ABLIM3: variants seen among roughly 807,000 people sequenced by gnomAD.
ABLIM3 encodes the protein actin binding LIM protein family member 3, also known as actin-binding LIM protein 3.
ABLIM3 carries 61 observed loss-of-function variants against 109.5 expected under a neutral mutation model. The observed-to-expected ratio is 0.56, with a 90% CI of 0.45 to 0.69. The LOEUF (loss-of-function observed/expected upper bound fraction) is 0.69, where lower values mean the gene tolerates loss of function less well. ABLIM3 is among the 30% of genes least tolerant of loss of function. The probability of loss-of-function intolerance (pLI) is 0.00; values close to 1 mark genes in which losing one functional copy is unlikely to be tolerated. For synonymous variants in ABLIM3, 300 were observed against 324.8 expected, an observed-to-expected ratio of 0.92 and a Z score of 0.82; for missense variants, 796 against 889.5, an observed-to-expected ratio of 0.89 and a Z score of 1.34.
chr5:149,164,469 A>G (rs998151413), intron 2 of ABLIM3, among the ~76,000 whole-genome samples: 4 of 152,230 alleles, frequency 2.6e-5, no homozygotes, highest in African/African-American at 9.6e-5. Context: ...GCTGTAGGTC[A>G]GTGGTTCTCA....
intron 2 of ABLIM3, among the ~76,000 whole-genome samples, chr5:149,172,561 G>C (rs1044121264): frequency 2.4e-4 from 36 of 152,306 alleles, no homozygotes; most frequent in African/African-American, 8.4e-4. Flanking sequence ...ACTTCCCTCA[G>C]ATGGTGATTA....
intron 2 of ABLIM3, among the ~76,000 whole-genome samples, chr5:149,155,302 G>T (rs909591314): frequency 6.6e-6 from 1 of 152,144 alleles, no homozygotes; most frequent in Non-Finnish European, 1.5e-5. Flanking sequence ...ATTCACTCGG[G>T]CAGTGAAACA....
chr5:149,248,168 T>C (rs1753571073), intron 18 of ABLIM3, among the ~76,000 whole-genome samples: 1 of 152,208 alleles, frequency 6.6e-6, no homozygotes, highest in South Asian at 2.1e-4. Context: ...TATTGGAATG[T>C]AGCCAGCCCC....
At chr5:149,154,248 G>T (rs72837018) in intron 2 of ABLIM3, among the ~76,000 whole-genome samples, 43 of 152,328 alleles carry the variant, frequency 2.8e-4, no homozygotes, top group Non-Finnish European at 5.3e-4. Context: ...AGCCCTGCCC[G>T]TCTGGTGATA....
chr5:149,237,807 C>T (rs529143894), intron 11 of ABLIM3, among the ~76,000 whole-genome samples: 2 of 152,306 alleles, frequency 1.3e-5, no homozygotes, highest in African/African-American at 4.8e-5. Flanking sequence ...AGCCGACAAC[C>T]TTAAACCTAC....
intron 10 of ABLIM3, among the ~76,000 whole-genome samples, chr5:149,235,012 AT>A (rs1762208030): frequency 6.6e-6 from 1 of 152,206 alleles, no homozygotes; most frequent in Admixed American, 6.5e-5. Flanking sequence ...ACTGAATGGA[AT>A]TTATGATGGC....
At chr5:149,183,031 G>A (rs1390877449) in intron 2 of ABLIM3, among the ~76,000 whole-genome samples, 1 of 152,226 alleles carries the variant, frequency 6.6e-6, no homozygotes, top group African/African-American at 2.4e-5. Flanking sequence ...TTTGGAGGCA[G>A]GGTCAGCCAC....
At position 149,259,785 on chromosome 5, in the gene ABLIM3, G is replaced by C; in HGVS notation, c.*1381G>C. On this transcript the variant is annotated 3_prime_UTR_variant, in exon 24 of 24. Transcript: ENST00000309868. ...GGACCATTTTGAGATCATGGAGGAA[G>C]GATGAAGAAGTGAAAATGACAATAA... 2 of 606,576 alleles carry C rather than the reference G, an allele frequency of 3.3e-6. No individual in the cohort carries two copies. Among genetic ancestry groups the C allele is most frequent in the Non-Finnish European group, 5.8e-6 (2 of 345,748 alleles). 37.6% of individuals were successfully genotyped at this position (606,576 alleles called of 1,614,324 possible). A position where few individuals can be genotyped will look rare whatever the true frequency, so the allele number is the denominator to read the frequency against.
In ABLIM3 at chr5:149,198,530, CAGGT is replaced by C; in HGVS notation, c.335+129_335+132del. 1 of 1,181,864 alleles carries C rather than the reference CAGGT, an allele frequency of 8.5e-7. No individual in the cohort carries two copies. Among genetic ancestry groups the C allele is most frequent in the Non-Finnish European group, 1.2e-6 (1 of 862,004 alleles). The allele number at this position is 1,181,864 out of a possible 1,614,324, so 73.2% of individuals were successfully genotyped here. ...CTGCACATTTAGATTTCTGGAACCT[CAGGT>C]GTGGAGGGATCTGATGGGCCAGTGG... On this transcript the variant is annotated intron_variant, in intron 4 of 23. Coordinates refer to ENST00000309868, the MANE Select transcript of ABLIM3 (RefSeq NM_014945.5). This position sits in a 1 kb window ranked among gnomAD's most constrained non-coding sequence, Gnocchi z 4.2.
rs922531244 is a variant in ABLIM3, at chr5:149,210,310, T to A, written c.576-416T>A. The stretch of plus-strand genomic sequence containing the variant: ...GGTGGCCTGGGACAAGTTACTAAAG[T>A]GTGCTATGCTTAGGTTTTCTCACCT... On this transcript the variant is annotated intron_variant, in intron 6 of 23. Coordinates refer to ENST00000309868, the MANE Select transcript of ABLIM3 (RefSeq NM_014945.5). 2.0e-5 allele frequency among the ~76,000 whole-genome samples: 3 copies of A among 152,154 alleles called. No homozygotes were observed. The East Asian group carries it at 5.8e-4, about 29-fold the overall frequency.
chr5:149,258,460 T>A lies in ABLIM3; in HGVS notation c.*56T>A, dbSNP rs187211287. On this transcript the variant is annotated 3_prime_UTR_variant, in exon 24 of 24. Transcript: ENST00000309868. Reference sequence around the variant, plus strand: ...TATAAAGATATATGTAAAATCTCTCTACTGAAGCTCGGTATAATCCTCTCT... The same window carrying A: ...TATAAAGATATATGTAAAATCTCTCAACTGAAGCTCGGTATAATCCTCTCT... 3 of 1,545,742 alleles carry A rather than the reference T, an allele frequency of 1.9e-6. No homozygotes were observed. Among genetic ancestry groups the A allele is most frequent in the African/African-American group, 2.8e-5 (2 of 72,128 alleles).
intron 2 of ABLIM3, among the ~76,000 whole-genome samples, chr5:149,180,042 G>A (rs1284058822): frequency 6.6e-6 from 1 of 152,170 alleles, no homozygotes; most frequent in African/African-American, 2.4e-5. Flanking sequence ...AATCTATAAG[G>A]TCTAAATGTG....
chr5:149,187,240 A>G (rs1757041712), intron 3 of ABLIM3, among the ~76,000 whole-genome samples: 1 of 152,176 alleles, frequency 6.6e-6, no homozygotes, highest in Non-Finnish European at 1.5e-5. Context: ...AATCCAGAAA[A>G]CCTAATAAAT....
rs924498082 is a variant in ABLIM3, at chr5:149,258,959, C to G, written c.*555C>G. On this transcript the variant is annotated 3_prime_UTR_variant, in exon 24 of 24. Coordinates refer to ENST00000309868, the MANE Select transcript of ABLIM3 (RefSeq NM_014945.5). ...TAAAAGGGTGAGCCTCAAATCTAGTCATTACACCAGTCAACAGAAGTGGAC... is the reference window on the plus strand; with the variant it reads ...TAAAAGGGTGAGCCTCAAATCTAGTGATTACACCAGTCAACAGAAGTGGAC... 2.0e-6 allele frequency: 2 copies of G among 991,020 alleles called. No homozygotes were observed. The highest frequency in any genetic ancestry group is 2.4e-6 in the Non-Finnish European group (2 of 833,570). 61.4% of individuals were successfully genotyped at this position (991,020 alleles called of 1,614,324 possible).
Position 149,258,443 on chromosome 5 carries a change from T to A in ABLIM3, c.*39T>A. 1 of 1,580,942 alleles carries A rather than the reference T, an allele frequency of 6.3e-7. No homozygotes were observed. The highest frequency in any genetic ancestry group is 8.6e-7 in the Non-Finnish European group (1 of 1,167,540). On this transcript the variant is annotated 3_prime_UTR_variant, in exon 24 of 24. Transcript: ENST00000309868. ...AAATATATATGCATTTATATAAAGATATATGTAAAATCTCTCTACTGAAGC... is the reference window on the plus strand; with the variant it reads ...AAATATATATGCATTTATATAAAGAAATATGTAAAATCTCTCTACTGAAGC...
chr5:149,195,525 T>C (rs1053469039), intron 3 of ABLIM3, among the ~76,000 whole-genome samples: 2 of 152,102 alleles, frequency 1.3e-5, no homozygotes, highest in African/African-American at 4.8e-5. Context: ...TTGGGGGCAA[T>C]GGAGGACTGA....
At chr5:149,222,185 T>A (rs2918274) in intron 8 of ABLIM3, among the ~76,000 whole-genome samples, 4 of 151,200 alleles carry the variant, frequency 2.6e-5, no homozygotes, top group Admixed American at 6.6e-5. Flanking sequence ...GTTGGTATAC[T>A]TTGAGCATTT....
intron 3 of ABLIM3, among the ~76,000 whole-genome samples, chr5:149,190,123 G>A (rs1757343082): frequency 1.3e-5 from 2 of 152,160 alleles, no homozygotes; most frequent in Admixed American, 1.3e-4. Flanking sequence ...ACACATTGCA[G>A]GATTTCATAT....
chr5:149,143,112 C>T (rs898839220), intron 2 of ABLIM3, among the ~76,000 whole-genome samples: 2 of 152,074 alleles, frequency 1.3e-5, no homozygotes, highest in Admixed American at 1.3e-4. Flanking sequence ...TGCCTGTAAT[C>T]CCAGCACTTT....
Sources: gnomAD v4.1 joint callset for allele counts (sites outside exome capture counted in the v4.1 genomes callset) on GRCh38, gnomAD v4.1.1 for gene constraint, Gnocchi (gnomAD v3.1) non-coding constraint, MANE v1.5 for transcripts, NCBI Gene and HGNC (gene_info 2026-07-23, HGNC 2026-07-21) for gene names.